Variants in WDFY4 observed in about 807,000 individuals in gnomAD.
The protein encoded by WDFY4 is WD repeat- and FYVE domain-containing protein 4.
In WDFY4, 169 loss-of-function variants were observed where a neutral mutation model predicts 351.9. The observed-to-expected ratio is 0.48, with a 90% confidence interval of 0.42 to 0.55. The LOEUF is 0.55. Ranked by LOEUF, WDFY4 falls within the 20% of genes least tolerant of loss-of-function variation. WDFY4 has a pLI of 0.00. For missense variants in WDFY4, 3,803 were observed against 3,935.6 expected (o/e 0.97, Z 0.90); for synonymous variants, 1,622 against 1,574.6 (o/e 1.03, Z -0.71).
intron 12 of WDFY4, among the ~76,000 whole-genome samples, chr10:48,759,080 G>C (rs910800727): frequency 2.2e-4 from 33 of 152,120 alleles, no homozygotes; most frequent in Admixed American, 1.6e-3. Flanking sequence ...GCCCACTTAG[G>C]TTCAGGTTGC....
intron 24 of WDFY4, 65 bp downstream of exon 24, chr10:48,796,515 GC>G: frequency 6.6e-7 from 1 of 1,509,086 alleles, no homozygotes; most frequent in East Asian, 2.5e-5. Context: ...CTAAGTCTGG[GC>G]TTTCCCCTAA....
chr10:48,855,929 A>G (rs895938372), intron 39 of WDFY4, among the ~76,000 whole-genome samples: 2 of 152,134 alleles, frequency 1.3e-5, no homozygotes, highest in Non-Finnish European at 2.9e-5. Context: ...AAACTTTATC[A>G]TAGGTATGTA....
Position 48,760,455 on chromosome 10 carries a change from A to G in WDFY4, c.2553+15A>G. The G allele has an allele frequency of 6.4e-7, 1 of 1,551,212 alleles. No homozygotes were observed. Among genetic ancestry groups the G allele is most frequent in the Non-Finnish European group, 8.7e-7 (1 of 1,146,644 alleles). ...ATCACCCACAGGTACCTGGTGTTGAATATGTGTGTTTTGTCATCTTCACAT... is the reference window on the plus strand; with the variant it reads ...ATCACCCACAGGTACCTGGTGTTGAGTATGTGTGTTTTGTCATCTTCACAT... On this transcript the variant is annotated intron_variant, in intron 13 of 61. Transcript: ENST00000325239.
At chr10:48,805,773 C>T (rs1273672500) in intron 26 of WDFY4, among the ~76,000 whole-genome samples, 1 of 152,240 alleles carries the variant, frequency 6.6e-6, no homozygotes, top group Non-Finnish European at 1.5e-5. Context: ...TGTGTTTCCC[C>T]TTCTCTTTCC....
intron 47 of WDFY4, among the ~76,000 whole-genome samples, chr10:48,929,791 TC>T (rs1037457804): frequency 5.3e-5 from 8 of 152,144 alleles, no homozygotes; most frequent in African/African-American, 1.9e-4. Flanking sequence ...CACAGCCTCT[TC>T]CGGCTGGGCT....
intron 1 of WDFY4, among the ~76,000 whole-genome samples, chr10:48,702,725 C>G (rs927584377): frequency 1.3e-5 from 2 of 152,098 alleles, no homozygotes; most frequent in Non-Finnish European, 2.9e-5. Flanking sequence ...TTTGTAGGAG[C>G]ATAAGTTTTC....
At chr10:48,886,691 G>A (rs1355457623) in intron 43 of WDFY4, among the ~76,000 whole-genome samples, 1 of 152,136 alleles carries the variant, frequency 6.6e-6, no homozygotes, top group Non-Finnish European at 1.5e-5. Context: ...ACCCAGTCTG[G>A]GGTATTCTGT....
intron 12 of WDFY4, among the ~76,000 whole-genome samples, chr10:48,755,023 C>T (rs12769821): frequency 0.13 from 20,078 of 152,064 alleles, 1,503 homozygotes; most frequent in African/African-American, 0.2. Flanking sequence ...CGACTACCAC[C>T]ACAATCAAGA....
intron 19 of WDFY4, among the ~76,000 whole-genome samples, chr10:48,781,960 G>GT (rs1335317649): frequency 1.3e-5 from 2 of 152,232 alleles, no homozygotes; most frequent in African/African-American, 4.8e-5. Flanking sequence ...CCATGGGGTA[G>GT]TAAGGAGTTA....
chr10:48,723,059 C>T (rs375655173), intron 4 of WDFY4, among the ~76,000 whole-genome samples: 80 of 152,198 alleles, frequency 5.3e-4, no homozygotes, highest in African/African-American at 1.8e-3. Context: ...AATCATGAGG[C>T]CCTGGACCAC....
chr10:48,807,705 G>T, intron 27 of WDFY4, 154 bp from the exon 28 acceptor site: 1 of 677,754 alleles, frequency 1.5e-6, no homozygotes, highest in South Asian at 1.9e-5. Flanking sequence ...TTTAAGCATT[G>T]TGTGGAGGCT....
In WDFY4 at chr10:48,726,138, G is replaced by A. The variant is rs2064259324; in HGVS notation, c.781+68G>A. 13 of 1,471,970 alleles carry A rather than the reference G, an allele frequency of 8.8e-6. No homozygotes were observed. In the South Asian group the frequency reaches 1.6e-4, roughly 18 times the overall value. 91.2% of individuals were successfully genotyped at this position (1,471,970 alleles called of 1,614,324 possible). A position where few individuals can be genotyped will look rare whatever the true frequency, so the allele number is the denominator to read the frequency against. On this transcript the variant is annotated intron_variant, in intron 6 of 61. Transcript: ENST00000325239. ...GGCTTCCCTTGAACTCAGAGCAAAG[G>A]CTGAGGGCCCACTTTCTACAATGAG... is the stretch of plus-strand genomic sequence containing the variant.
rs2066016243 is a variant in WDFY4, at chr10:48,775,875, A to T, written c.2863+69A>T. 3 of 1,382,904 alleles carry T rather than the reference A, an allele frequency of 2.2e-6. No individual in the cohort carries two copies. The African/African-American group carries it at 4.3e-5, about 20-fold the overall frequency. 85.7% of individuals were successfully genotyped at this position (1,382,904 alleles called of 1,614,324 possible). A position where few individuals can be genotyped will look rare whatever the true frequency, so the allele number is the denominator to read the frequency against. ...AGATGATAGGCATTCCTGCTGAGGG[A>T]TCCTTTACAACAGGTGGGAAAGCAA... On this transcript the variant is annotated intron_variant, in intron 15 of 61. Coordinates refer to ENST00000325239, the MANE Select transcript of WDFY4 (RefSeq NM_001394531.1).
intron 40 of WDFY4, among the ~76,000 whole-genome samples, chr10:48,869,082 A>G (rs763318857): frequency 2.9e-4 from 44 of 152,354 alleles, no homozygotes; most frequent in South Asian, 8.3e-4. Flanking sequence ...GTATTTAAAT[A>G]TTTAAGTCAG....
chr10:48,943,511 C>T, intron 49 of WDFY4, 62 bp downstream of exon 49: 1 of 1,505,050 alleles, frequency 6.6e-7, no homozygotes, highest in Non-Finnish European at 8.9e-7. Flanking sequence ...TAACAGAGAC[C>T]CTAAGTCAGC....
chr10:48,893,699 A>C (rs112829470), intron 44 of WDFY4, among the ~76,000 whole-genome samples: 3 of 152,356 alleles, frequency 2.0e-5, no homozygotes, highest in African/African-American at 7.2e-5. Flanking sequence ...TCCAGGTATA[A>C]TTCTGGCAAC....
At chr10:48,976,280 G>A (rs185178645) in intron 58 of WDFY4, among the ~76,000 whole-genome samples, 1 of 152,258 alleles carries the variant, frequency 6.6e-6, no homozygotes, top group Non-Finnish European at 1.5e-5. Flanking sequence ...AGACTCAAAT[G>A]TGAGCATATC....
At chr10:48,864,338 A>G (rs1423014858) in intron 39 of WDFY4, among the ~76,000 whole-genome samples, 1 of 152,198 alleles carries the variant, frequency 6.6e-6, no homozygotes, top group African/African-American at 2.4e-5. Context: ...TAAAAAGACT[A>G]TTCGTTCCCC....
intron 48 of WDFY4, among the ~76,000 whole-genome samples, chr10:48,942,174 AG>A (rs1840803883): frequency 1.3e-5 from 2 of 152,188 alleles, no homozygotes; most frequent in African/African-American, 4.8e-5. Flanking sequence ...CATGCTGGCC[AG>A]GCTGGTCTTG....
Sources: allele counts gnomAD v4.1 joint callset (sites outside exome capture counted in the v4.1 genomes callset), GRCh38; gene constraint gnomAD v4.1.1; transcripts MANE v1.5; gene names NCBI Gene and HGNC (gene_info 2026-07-23, HGNC 2026-07-21).